Variants in PEPD observed in about 807,000 individuals in gnomAD.
PEPD encodes the protein peptidase D.
In PEPD, 53 loss-of-function variants were observed where a neutral mutation model predicts 60.7. That is an observed-to-expected ratio of 0.87 (90% confidence interval 0.70 to 1.10). The LOEUF is 1.10. PEPD is among the 50% of genes least tolerant of loss of function. The pLI is 0.00. For missense variants in PEPD, 711 were observed against 711.9 expected, an observed-to-expected ratio of 1.00 and a Z score of 0.01; for synonymous variants, 267 against 284.1, an observed-to-expected ratio of 0.94 and a Z score of 0.60.
chr19:33,389,556 T>C (rs1968163463), intron 13 of PEPD, among the ~76,000 whole-genome samples: 2 of 151,298 alleles, frequency 1.3e-5, no homozygotes, highest in Middle Eastern at 3.4e-3. Context: ...TGTCCGTCCC[T>C]GTCTCCACCC....
At chr19:33,469,011 C>T (rs1970073023) in intron 7 of PEPD, among the ~76,000 whole-genome samples, 1 of 152,190 alleles carries the variant, frequency 6.6e-6, no homozygotes, top group Non-Finnish European at 1.5e-5. Context: ...GTGTCATTCC[C>T]ACTGCCACCC....
intron 3 of PEPD, among the ~76,000 whole-genome samples, chr19:33,507,211 C>A (rs984501723): frequency 6.6e-6 from 1 of 152,126 alleles, no homozygotes; most frequent in African/African-American, 2.4e-5. Context: ...GGAGGGTCCC[C>A]CGACCTGGTC....
intron 6 of PEPD, among the ~76,000 whole-genome samples, chr19:33,479,204 A>T (rs1480187731): frequency 6.6e-6 from 1 of 152,214 alleles, no homozygotes; most frequent in Non-Finnish European, 1.5e-5. Flanking sequence ...TAAAACATAC[A>T]GAAAAGGAAA....
At chr19:33,452,591 G>A (rs79244995) in intron 9 of PEPD, among the ~76,000 whole-genome samples, 13,778 of 151,918 alleles carry the variant, frequency 0.091, 652 homozygotes, top group East Asian at 0.13. Context: ...TTAGGAATGA[G>A]AAAGAAAAAA....
chr19:33,475,176 G>C (rs1970192512), intron 7 of PEPD, among the ~76,000 whole-genome samples: 1 of 152,040 alleles, frequency 6.6e-6, no homozygotes, highest in Non-Finnish European at 1.5e-5. Flanking sequence ...GAGCAGGGAG[G>C]AGATAGGGCT....
Position 33,511,126 on chromosome 19 carries a change from G to A in PEPD, c.231C>T (p.Val77=). ...TGACACCATAGCAGCCTGGCTCAGT[G>A]ACACCGAACGCCCAGTGAAAGAAGG... ...QESFFHWAFG[V]TEPGCYGVID... is the part of the protein sequence containing the mutation. Residue 77 remains valine, a synonymous_variant, in exon 3 of 15, where the codon GTC becomes GTT. Transcript: ENST00000244137. 1 of 1,613,998 alleles carries A rather than the reference G, an allele frequency of 6.2e-7. No homozygotes were observed. The highest frequency in any genetic ancestry group is 1.3e-5 in the African/African-American group (1 of 75,022).
chr19:33,396,284 G>A (rs1277833399), intron 12 of PEPD: 1 of 152,420 alleles, frequency 6.6e-6, no homozygotes, highest in East Asian at 1.9e-4. Context: ...CCCTGCCCCT[G>A]GCGCTGGCTG....
chr19:33,449,664 C>A (rs1284886317), intron 9 of PEPD, among the ~76,000 whole-genome samples: 1 of 152,110 alleles, frequency 6.6e-6, no homozygotes, highest in African/African-American at 2.4e-5. Flanking sequence ...GGAGGAATTT[C>A]AAAGATGACC....
At chr19:33,518,781 A>G (rs1300355274) in intron 1 of PEPD, among the ~76,000 whole-genome samples, 1 of 152,174 alleles carries the variant, frequency 6.6e-6, no homozygotes, top group Non-Finnish European at 1.5e-5. Context: ...TAGGAGAGGC[A>G]TGAAGGGAAG....
At chr19:33,450,405 A>T (rs970898055) in intron 9 of PEPD, among the ~76,000 whole-genome samples, 8 of 152,368 alleles carry the variant, frequency 5.3e-5, no homozygotes, top group Admixed American at 3.9e-4. Context: ...CAGGGCAAGA[A>T]AATGAAAAGT....
At position 33,426,957 on chromosome 19, in the gene PEPD, C is replaced by A. The variant is rs138255895; in HGVS notation, c.672-13314G>T. ...CTGGACAGGCCCTAGGTGGGCAGGG[C>A]CCCTCCACCGCGTGCGGCTGTGTTT... is the stretch of plus-strand genomic sequence containing the variant. On this transcript the variant is annotated intron_variant, in intron 9 of 14. Coordinates refer to ENST00000244137, the MANE Select transcript of PEPD (RefSeq NM_000285.4). Among the ~76,000 whole-genome samples the A allele has an allele frequency of 3.1e-3, 473 of 152,334 alleles. 4 individuals are homozygous for A. The highest frequency in any genetic ancestry group is 0.011 in the African/African-American group (456 of 41,572).
At chr19:33,416,486 A>G (rs1191705357) in intron 9 of PEPD, among the ~76,000 whole-genome samples, 1 of 152,040 alleles carries the variant, frequency 6.6e-6, no homozygotes, top group Non-Finnish European at 1.5e-5. Context: ...TATGACTCAC[A>G]TCGTGCAGCC....
At chr19:33,484,978 G>A (rs923693745) in intron 6 of PEPD, among the ~76,000 whole-genome samples, 1 of 152,208 alleles carries the variant, frequency 6.6e-6, no homozygotes, top group African/African-American at 2.4e-5. Context: ...TGTGAGGGTA[G>A]GCGTGCCCTG....
At chr19:33,411,617 T>C in intron 11 of PEPD, 55 bp downstream of exon 11, 1 of 993,724 alleles carries the variant, frequency 1.0e-6, no homozygotes, top group Non-Finnish European at 1.6e-6. Context: ...TGAAGTTGAG[T>C]CCAACCTTGG....
intron 7 of PEPD, among the ~76,000 whole-genome samples, chr19:33,475,870 A>AT (rs1185643529): frequency 6.6e-6 from 1 of 151,956 alleles, no homozygotes; most frequent in Non-Finnish European, 1.5e-5. Flanking sequence ...TTGTTACTTT[A>AT]TTTTTTTGAG....
chr19:33,405,122 G>A (rs1006113756), intron 11 of PEPD, among the ~76,000 whole-genome samples: 4 of 152,200 alleles, frequency 2.6e-5, no homozygotes, highest in South Asian at 2.1e-4. Flanking sequence ...ACGTGCTGGC[G>A]TCTCACTCCC....
In PEPD at chr19:33,401,671, G is replaced by A. The variant is rs192786195; in HGVS notation, c.967+50C>T. Reference sequence around the variant, plus strand: ...CTGCAGGCACCTGCCACATAGCAGCGCCCCCAACGCCACGTCAGATGCGCC... The same window carrying A: ...CTGCAGGCACCTGCCACATAGCAGCACCCCCAACGCCACGTCAGATGCGCC... On this transcript the variant is annotated intron_variant, in intron 12 of 14. Transcript: ENST00000244137. The A allele has an allele frequency of 2.0e-4, 309 of 1,555,720 alleles. No homozygotes were observed. The African/African-American group carries it at 3.6e-3, about 18-fold the overall frequency.
At chr19:33,437,203 T>C (rs2145405539) in intron 9 of PEPD, among the ~76,000 whole-genome samples, 1 of 152,260 alleles carries the variant, frequency 6.6e-6, no homozygotes, top group Admixed American at 6.5e-5. Flanking sequence ...TGCACACTAC[T>C]CTGAATGTTA....
At chr19:33,495,793 C>A (rs1291459328) in intron 4 of PEPD, among the ~76,000 whole-genome samples, 1 of 152,076 alleles carries the variant, frequency 6.6e-6, no homozygotes, top group Non-Finnish European at 1.5e-5. Flanking sequence ...CAAGACCAGC[C>A]TGGCCAACAT....
Sources: allele counts gnomAD v4.1 joint callset (sites outside exome capture counted in the v4.1 genomes callset), GRCh38; gene constraint gnomAD v4.1.1; transcripts MANE v1.5; gene names NCBI Gene and HGNC (gene_info 2026-07-23, HGNC 2026-07-21).